ACTN4: variants seen among roughly 807,000 people sequenced by gnomAD.
The protein encoded by ACTN4 is actinin alpha 4.
Under a neutral mutation model 114.2 loss-of-function variants are expected in ACTN4, and 18 were observed. That is an observed-to-expected ratio of 0.16 (90% CI 0.11 to 0.23). The LOEUF (loss-of-function observed/expected upper bound fraction) is 0.23. Ranked by LOEUF, ACTN4 falls within the 10% of genes least tolerant of loss-of-function variation. The pLI is 1.00. For synonymous variants in ACTN4, 515 were observed against 506.3 expected, an observed-to-expected ratio of 1.02 and a Z score of -0.23; for missense variants, 722 against 1,262.9, an observed-to-expected ratio of 0.57 and a Z score of 6.49.
In ACTN4 at chr19:38,673,665, T is replaced by TC. The variant is rs1491523188; in HGVS notation, c.162+25758_162+25759insC. ...TATATATTTATATATTTATATATAT[T>TC]ATATATATTTATATATTTATATATA... is the stretch of plus-strand genomic sequence containing the variant. On this transcript the variant is annotated intron_variant, in intron 1 of 20. Coordinates refer to ENST00000252699, the MANE Select transcript of ACTN4 (RefSeq NM_004924.6). 1.3e-3 allele frequency among the ~76,000 whole-genome samples: 38 copies of TC among 29,232 alleles called. 9 individuals are homozygous for TC. Among genetic ancestry groups the TC allele is most frequent in the African/African-American group, 2.0e-3 (17 of 8,550 alleles). The allele number at this position is 29,232 out of a possible 152,430, so 19.2% of individuals were successfully genotyped here.
At chr19:38,670,969 G>A (rs1227318061) in intron 1 of ACTN4, among the ~76,000 whole-genome samples, 4 of 151,288 alleles carry the variant, frequency 2.6e-5, no homozygotes, top group African/African-American at 9.7e-5. Context: ...GGGCCTATTG[G>A]GTGTGAAGAG....
intron 1 of ACTN4, among the ~76,000 whole-genome samples, chr19:38,686,851 A>G (rs965582417): frequency 2.6e-5 from 4 of 152,116 alleles, no homozygotes; most frequent in Non-Finnish European, 4.4e-5. Context: ...TTGAGAACAG[A>G]GGCAGGCTCA....
chr19:38,731,141 GA>G lies in ACTN4; in HGVS notation c.*1711del, dbSNP rs757448677. 6.8e-5 allele frequency: 110 copies of G among 1,612,966 alleles called. 1 individual carries two copies. Among genetic ancestry groups the G allele is most frequent in the Middle Eastern group, 3.3e-4 (2 of 6,044 alleles). ...AGGTGAGGTGGGCCACACAGGACACGAACCGCTCGAAGTCCACACGCAGACG... is the reference window on the plus strand; with the variant it reads ...AGGTGAGGTGGGCCACACAGGACACGACCGCTCGAAGTCCACACGCAGACG... On this transcript the variant is annotated 3_prime_UTR_variant, in exon 21 of 21. Coordinates refer to ENST00000252699, the MANE Select transcript of ACTN4 (RefSeq NM_004924.6).
intron 5 of ACTN4, among the ~76,000 whole-genome samples, chr19:38,707,385 A>G (rs1363210097): frequency 6.6e-6 from 1 of 152,138 alleles, no homozygotes; most frequent in African/African-American, 2.4e-5. Flanking sequence ...ATCCTGCAGC[A>G]TAACTTCAGT....
intron 4 of ACTN4, among the ~76,000 whole-genome samples, chr19:38,705,414 C>T (rs1433545986): frequency 2.0e-5 from 3 of 152,162 alleles, no homozygotes; most frequent in African/African-American, 2.4e-5. Context: ...CCCATGGACC[C>T]GTTATGAGCT....
chr19:38,673,475 T>TCA (rs1555826087), intron 1 of ACTN4, among the ~76,000 whole-genome samples: 4 of 64,242 alleles, frequency 6.2e-5, no homozygotes, highest in Non-Finnish European at 9.7e-5. Context: ...TTATATATAT[T>TCA]TATATATATA....
intron 1 of ACTN4, among the ~76,000 whole-genome samples, chr19:38,651,853 T>A (rs1354627118): frequency 6.6e-6 from 1 of 152,142 alleles, no homozygotes; most frequent in Non-Finnish European, 1.5e-5. Flanking sequence ...TGCCTCAGCC[T>A]CCTGAGTAGC....
At chr19:38,681,129 GAAAAAA>G (rs35906770) in intron 1 of ACTN4, among the ~76,000 whole-genome samples, 46 of 69,294 alleles carry the variant, frequency 6.6e-4, no homozygotes, top group South Asian at 1.8e-3. Context: ...CCAATCTCTA[GAAAAAA>G]AAAAAAAAAA....
intron 1 of ACTN4, among the ~76,000 whole-genome samples, chr19:38,697,358 C>T (rs1227666206): frequency 6.6e-6 from 1 of 152,214 alleles, no homozygotes; most frequent in African/African-American, 2.4e-5. Context: ...TGCTTATGTG[C>T]GTGTGTACAT....
intron 1 of ACTN4, among the ~76,000 whole-genome samples, chr19:38,665,604 C>T (rs367983977): frequency 2.0e-5 from 3 of 152,264 alleles, no homozygotes; most frequent in East Asian, 1.9e-4. Context: ...CCAGCAACTT[C>T]GAAGAAGTGC....
intron 1 of ACTN4, among the ~76,000 whole-genome samples, chr19:38,666,859 G>C (rs1391628641): frequency 1.3e-5 from 2 of 152,152 alleles, no homozygotes. Context: ...GGGGAGCTCT[G>C]GGGGAGGTAG....
At chr19:38,686,583 G>C (rs1003305978) in intron 1 of ACTN4, among the ~76,000 whole-genome samples, 2 of 152,218 alleles carry the variant, frequency 1.3e-5, no homozygotes, top group African/African-American at 4.8e-5. Flanking sequence ...CTCTGTTAAA[G>C]GTAGTTATTT....
intron 17 of ACTN4, among the ~76,000 whole-genome samples, 174 bp downstream of exon 17, chr19:38,726,077 C>T (rs879441709): frequency 2.0e-5 from 3 of 152,110 alleles, no homozygotes; most frequent in Non-Finnish European, 1.5e-5. Context: ...GGCTTGAGCC[C>T]AGGAGTTCAA....
At chr19:38,659,060 C>CTTCTCTTTTTTTTTTTTT (rs1976795613) in intron 1 of ACTN4, among the ~76,000 whole-genome samples, 2 of 62,198 alleles carry the variant, frequency 3.2e-5, no homozygotes, top group Non-Finnish European at 7.9e-5. Context: ...TTCTTCTTTT[C>CTTCTCTTTTTTTTTTTTT]TTTTCTTTTT....
At chr19:38,707,561 G>C (rs994022976) in intron 5 of ACTN4, among the ~76,000 whole-genome samples, 1 of 152,082 alleles carries the variant, frequency 6.6e-6, no homozygotes, top group Non-Finnish European at 1.5e-5. Flanking sequence ...TGTGGCCTTG[G>C]GGAAGGTCTC....
rs143570927 is a variant in ACTN4, at chr19:38,674,875, G to A, written c.163-25725G>A. Among the ~76,000 whole-genome samples, 467 of 152,314 alleles carry A rather than the reference G, an allele frequency of 3.1e-3. 3 individuals carry two copies. Among genetic ancestry groups the A allele is most frequent in the African/African-American group, 0.011 (453 of 41,572 alleles). ...CAGGTCTTGGAGAATAGGGTATGGC[G>A]AAAGGAGAGAACTCGTGATATCGCT... On this transcript the variant is annotated intron_variant, in intron 1 of 20. Transcript: ENST00000252699.
At chr19:38,658,557 A>T (rs530032302) in intron 1 of ACTN4, among the ~76,000 whole-genome samples, 51 of 152,310 alleles carry the variant, frequency 3.3e-4, no homozygotes, top group African/African-American at 1.2e-3. Context: ...AAACACTTTC[A>T]CAAAGTGCTT....
In ACTN4 at chr19:38,724,306, C is replaced by A; in HGVS notation, c.1842C>A (p.Val614=). The change falls in exon 15 of 21, where the codon GTC becomes GTA. Residue 614 remains valine (V), a synonymous_variant. Coordinates refer to ENST00000252699, the MANE Select transcript of ACTN4 (RefSeq NM_004924.6). The surrounding 1 kb of genome is among the most constrained non-coding windows in gnomAD (Gnocchi z 7.0). The part of the protein sequence containing the change: ...KLSGSNPYTT[V]TPQIINSKWE... ...CGGGCAGCAACCCCTACACCACCGT[C>A]ACCCCGCAAATCATCAACTCCAAGT... is the stretch of plus-strand genomic sequence containing the variant. 6.2e-7 allele frequency: 1 copy of A among 1,613,842 alleles called. No individual in the cohort carries two copies. Among genetic ancestry groups the A allele is most frequent in the Non-Finnish European group, 8.5e-7 (1 of 1,180,022 alleles).
At position 38,724,435 on chromosome 19, in the gene ACTN4, A is replaced by T. The variant is rs780698414; in HGVS notation, c.1880A>T (p.Gln627Leu). The T allele has an allele frequency of 3.1e-6, 5 of 1,613,322 alleles. No homozygotes were observed. Among genetic ancestry groups the T allele is most frequent in the Non-Finnish European group, 3.4e-6 (4 of 1,179,902 alleles). The stretch of plus-strand genomic sequence containing the variant: ...ACACCGCGTCTCCTCTGCCAGGTGC[A>T]GCAGCTGGTGCCAAAACGGGACCAT... The part of the protein sequence containing the change: ...QIINSKWEKV[Q>L]QLVPKRDHAL... Residue 627 changes from glutamine to leucine, a missense_variant, in exon 16 of 21, where the codon CAG becomes CTG. Coordinates refer to ENST00000252699, the MANE Select transcript of ACTN4 (RefSeq NM_004924.6). The surrounding 1 kb of genome is among the most constrained non-coding windows in gnomAD (Gnocchi z 7.0).
Sources: gnomAD v4.1 joint callset for allele counts (sites outside exome capture counted in the v4.1 genomes callset) on GRCh38, gnomAD v4.1.1 for gene constraint, Gnocchi (gnomAD v3.1) non-coding constraint, MANE v1.5 for transcripts, NCBI Gene and HGNC (gene_info 2026-07-23, HGNC 2026-07-21) for gene names.